VKORC1: variants seen among roughly 807,000 people sequenced by gnomAD.
VKORC1 encodes vitamin K epoxide reductase complex subunit 1.
In VKORC1, 12 loss-of-function variants were observed where a neutral mutation model predicts 14.8. The observed-to-expected ratio is 0.81, with a 90% CI of 0.52 to 1.31. The LOEUF is 1.31. Among genes scored for constraint, VKORC1 ranks in the 50% most tolerant of loss-of-function variants. The probability of loss-of-function intolerance (pLI) is 0.00; values close to 1 mark genes in which losing one functional copy is unlikely to be tolerated. For synonymous variants in VKORC1, 94 were observed against 92.5 expected, an observed-to-expected ratio of 1.02 and a Z score of -0.09; for missense variants, 223 against 215.3, an observed-to-expected ratio of 1.04 and a Z score of -0.22.
rs1209100404 is a variant in VKORC1, at chr16:31,094,607, C to A, written c.123G>T (p.Ala41=). 6.2e-7 allele frequency: 1 copy of A among 1,608,444 alleles called. No individual in the cohort carries two copies. The change falls in exon 1 of 3, where the codon GCG becomes GCT. Residue 41 remains alanine (A), a synonymous_variant. Transcript: ENST00000394975. ...AARARDRDYR[A]LCDVGTAISC... is the part of the protein sequence containing the mutation. Reference sequence around the variant, plus strand: ...TGATGGCGGTGCCCACGTCGCAGAGCGCGCGGTAATCCCGGTCCCGGGCGC... The same window carrying A: ...TGATGGCGGTGCCCACGTCGCAGAGAGCGCGGTAATCCCGGTCCCGGGCGC...
intron 2 of VKORC1, chr16:31,092,790 AT>A (rs2057297823): frequency 2.3e-6 from 3 of 1,279,406 alleles, no homozygotes; most frequent in Non-Finnish European, 2.0e-6. Flanking sequence ...CACGCCTGTA[AT>A]CCCCCCAGCA....
intron 2 of VKORC1, among the ~76,000 whole-genome samples, chr16:31,092,048 C>T (rs139531931): frequency 1.3e-5 from 2 of 151,786 alleles, no homozygotes; most frequent in East Asian, 1.9e-4. Context: ...CGTGGTGACA[C>T]GCGCCTGTAG....
Position 31,090,937 on chromosome 16 carries a change from G to C in VKORC1, c.*197C>G. 1 of 829,560 alleles carries C rather than the reference G, an allele frequency of 1.2e-6. No individual in the cohort carries two copies. The highest frequency in any genetic ancestry group is 1.9e-6 in the Non-Finnish European group (1 of 537,460). The allele number at this position is 829,560 out of a possible 1,614,324, so 51.4% of individuals were successfully genotyped here. On this transcript the variant is annotated 3_prime_UTR_variant, in exon 3 of 3. Transcript: ENST00000394975. ...CTTTGGAGACCAGCCCATGGGGACA[G>C]AGTCAGAGGCACTGGGTGTAAAAAA...
Position 31,090,979 on chromosome 16 carries a change from C to T in VKORC1, c.*155G>A. 7.9e-7 allele frequency: 1 copy of T among 1,265,574 alleles called. No individual in the cohort carries two copies. Among genetic ancestry groups the T allele is most frequent in the Non-Finnish European group, 1.1e-6 (1 of 912,616 alleles). The allele number at this position is 1,265,574 out of a possible 1,614,324, so 78.4% of individuals were successfully genotyped here. On this transcript the variant is annotated 3_prime_UTR_variant, in exon 3 of 3. Transcript: ENST00000394975. ...TGTAAAAAAGAGCGAGCGTGTGGCA[C>T]ATTTGGTCCATTGTCATGTGCGGGT...
intron 2 of VKORC1, among the ~76,000 whole-genome samples, chr16:31,092,287 C>A (rs2057295197): frequency 6.6e-6 from 1 of 150,510 alleles, no homozygotes; most frequent in Non-Finnish European, 1.5e-5. Flanking sequence ...TATGATTGTG[C>A]CACTGCACTC....
chr16:31,093,180 G>A, intron 2 of VKORC1, 132 bp downstream of exon 2: 2 of 959,354 alleles, frequency 2.1e-6, no homozygotes, highest in South Asian at 1.5e-5. Context: ...CCCACCCGCA[G>A]GACGCTCCGT....
Position 31,094,771 on chromosome 16 carries a change from C to CCA in VKORC1, c.-44_-43dup. On this transcript the variant is annotated 5_prime_UTR_variant, in exon 1 of 3. Transcript: ENST00000394975. ...CCGAGGCGCCCGCGGAGAAAACCAG[C>CCA]CACGGAGCAGGGGCCGGGCGGCGAA... is the stretch of plus-strand genomic sequence containing the variant. 6.4e-7 allele frequency: 1 copy of CCA among 1,563,514 alleles called. No homozygotes were observed. Among genetic ancestry groups the CCA allele is most frequent in the Admixed American group, 1.9e-5 (1 of 53,878 alleles).
intron 2 of VKORC1, chr16:31,092,842 T>A: frequency 9.0e-7 from 1 of 1,115,744 alleles, no homozygotes; most frequent in Non-Finnish European, 1.2e-6. Context: ...GAGACCAGCC[T>A]GGGCAACATG....
chr16:31,094,743 C>A lies in VKORC1; in HGVS notation c.-14G>T, dbSNP rs987009894. The A allele has an allele frequency of 1.3e-6, 2 of 1,584,484 alleles. No individual in the cohort carries two copies. Among genetic ancestry groups the A allele is most frequent in the Admixed American group, 3.5e-5 (2 of 56,386 alleles). ...GGTGCTGCCCATTATCTCCAGGTTCCGCCCGAGGCGCCCGCGGAGAAAACC... is the reference window on the plus strand; with the variant it reads ...GGTGCTGCCCATTATCTCCAGGTTCAGCCCGAGGCGCCCGCGGAGAAAACC... On this transcript the variant is annotated 5_prime_UTR_variant, in exon 1 of 3. Coordinates refer to ENST00000394975, the MANE Select transcript of VKORC1 (RefSeq NM_024006.6).
chr16:31,094,615 A>G lies in VKORC1; in HGVS notation c.115T>C (p.Tyr39His), dbSNP rs2057315224. The change falls in exon 1 of 3, where the codon TAC (tyrosine) becomes CAC (histidine). Residue 39 changes from tyrosine to histidine, a missense_variant. By Grantham distance (83) the Tyr-to-His change is moderately conservative (BLOSUM62 2). Coordinates refer to ENST00000394975, the MANE Select transcript of VKORC1 (RefSeq NM_024006.6). ...VKAARARDRD[Y>H]RALCDVGTAI... ...GTGCCCACGTCGCAGAGCGCGCGGT[A>G]ATCCCGGTCCCGGGCGCGCGCCGCC... 6.2e-7 allele frequency: 1 copy of G among 1,607,738 alleles called. No homozygotes were observed. Among genetic ancestry groups the G allele is most frequent in the Non-Finnish European group, 8.5e-7 (1 of 1,178,464 alleles).
Position 31,094,207 on chromosome 16 carries a change from C to T in VKORC1, c.173+350G>A, listed in dbSNP as rs140525321. ...CAGACCGGGCCACCTTGTTCCTGGGCGCAGCCATCGCCAACACCCCCCTTC... is the reference window on the plus strand; with the variant it reads ...CAGACCGGGCCACCTTGTTCCTGGGTGCAGCCATCGCCAACACCCCCCTTC... On this transcript the variant is annotated intron_variant, in intron 1 of 2. Transcript: ENST00000394975. 2.4e-3 allele frequency: 3,773 copies of T among 1,595,414 alleles called. 94 individuals are homozygous for T. In the Admixed American group the frequency reaches 0.042, roughly 18 times the overall value.
rs952105156 is a variant in VKORC1 at position 31,091,065 on chromosome 16, A to T, written c.*69T>A. On this transcript the variant is annotated 3_prime_UTR_variant, in exon 3 of 3. Coordinates refer to ENST00000394975, the MANE Select transcript of VKORC1 (RefSeq NM_024006.6). Reference sequence around the variant, plus strand: ...TCTAGGGCCTTCTAGGGACCCAGATATGCCCCCTTAGGCAAGGCTCACATG... The same window carrying T: ...TCTAGGGCCTTCTAGGGACCCAGATTTGCCCCCTTAGGCAAGGCTCACATG... 1 of 1,586,806 alleles carries T rather than the reference A, an allele frequency of 6.3e-7. No homozygotes were observed. The highest frequency in any genetic ancestry group is 8.6e-7 in the Non-Finnish European group (1 of 1,166,818).
chr16:31,094,627 G>A lies in VKORC1; in HGVS notation c.103C>T (p.Arg35Trp), dbSNP rs762195886. The A allele has an allele frequency of 6.2e-6, 10 of 1,606,172 alleles. No individual in the cohort carries two copies. The highest frequency in any genetic ancestry group is 1.6e-4 in the Middle Eastern group (1 of 6,072). The part of the protein sequence containing the change: ...YALHVKAARA[R>W]DRDYRALCDV... ...CAGAGCGCGCGGTAATCCCGGTCCC[G>A]GGCGCGCGCCGCCTTCACGTGCAGC... Residue 35 changes from arginine to tryptophan, a missense_variant, in exon 1 of 3, where the codon CGG becomes TGG. By Grantham distance (101) the Arg-to-Trp change is moderately radical. Coordinates refer to ENST00000394975, the MANE Select transcript of VKORC1 (RefSeq NM_024006.6).
chr16:31,094,298 G>T, intron 1 of VKORC1: 1 of 1,612,820 alleles, frequency 6.2e-7, no homozygotes, highest in Non-Finnish European at 8.5e-7. Flanking sequence ...GCCTTTCCTG[G>T]TCACCGTTAT....
rs753570105 is a variant in VKORC1, at chr16:31,091,274, C to T, written c.352G>A (p.Val118Ile). ...AAGAACAGGATCCAGGCCAGGTAGA[C>T]AGAACCAGCGAGAGACACCAGGGAG... is the stretch of plus-strand genomic sequence containing the variant. Reference protein sequence around the residue: ...LSSLVSLAGSVYLAWILFFVL... With the variant: ...LSSLVSLAGSIYLAWILFFVL... The change falls in exon 3 of 3, where the codon GTC becomes ATC. Residue 118 changes from valine (V) to isoleucine (I), a missense_variant. Physicochemically the swap from Val to Ile is conservative, Grantham distance 29. Coordinates refer to ENST00000394975, the MANE Select transcript of VKORC1 (RefSeq NM_024006.6). 2 of 1,614,170 alleles carry T rather than the reference C, an allele frequency of 1.2e-6. No homozygotes were observed. The highest frequency in any genetic ancestry group is 1.7e-6 in the Non-Finnish European group (2 of 1,180,036).
intron 1 of VKORC1, chr16:31,093,955 C>T (rs1205867259): frequency 4.4e-6 from 2 of 453,698 alleles, no homozygotes; most frequent in East Asian, 9.0e-5. Context: ...CCATCCGCCT[C>T]GGCCTCCCAA....
chr16:31,091,772 A>C (rs939021166), intron 2 of VKORC1, among the ~76,000 whole-genome samples: 2 of 152,180 alleles, frequency 1.3e-5, no homozygotes, highest in Admixed American at 6.6e-5. Flanking sequence ...CTGTAATCCC[A>C]GCTGCTGGGG....
intron 2 of VKORC1, among the ~76,000 whole-genome samples, chr16:31,093,085 G>A (rs1015968936): frequency 6.6e-6 from 1 of 151,776 alleles, no homozygotes; most frequent in African/African-American, 2.4e-5. Flanking sequence ...AAAAACCTGG[G>A]GACCTAGGAT....
At chr16:31,093,289 A>T in intron 2 of VKORC1, 23 bp downstream of exon 2, 9 of 1,274,590 alleles carry the variant, frequency 7.1e-6, no homozygotes, top group Non-Finnish European at 9.2e-6. Flanking sequence ...CGGGGCGGGC[A>T]GGGAGGGGGC....
Sources: allele counts gnomAD v4.1 joint callset (sites outside exome capture counted in the v4.1 genomes callset), GRCh38; gene constraint gnomAD v4.1.1; transcripts MANE v1.5; gene names NCBI Gene and HGNC (gene_info 2026-07-23, HGNC 2026-07-21).